The following ARHGAP15 variants were observed in gnomAD, a reference collection of about 807,000 sequenced individuals.
The protein encoded by ARHGAP15 is Rho GTPase activating protein 15, also known as rho GTPase-activating protein 15.
ARHGAP15 carries 51 observed loss-of-function variants against 63.7 expected under a neutral mutation model. The observed-to-expected ratio is 0.80, with a 90% CI of 0.64 to 1.01. The LOEUF is 1.01. Among genes scored for constraint, ARHGAP15 ranks in the 50% least tolerant of loss-of-function variants. The probability of loss-of-function intolerance (pLI) is 0.00; values close to 1 mark genes in which losing one functional copy is unlikely to be tolerated. For synonymous variants in ARHGAP15, 191 were observed against 193.8 expected (o/e 0.99, Z 0.12); for missense variants, 560 against 564.6 (o/e 0.99, Z 0.08).
chr2:143,296,144 G>A (rs77587649), intron 6 of ARHGAP15, among the ~76,000 whole-genome samples: 1 of 152,066 alleles, frequency 6.6e-6, no homozygotes, highest in East Asian at 1.9e-4. Flanking sequence ...CTCAAATCAA[G>A]GGATGAGCCC....
chr2:143,596,173 A>T (rs1284374679), intron 11 of ARHGAP15, among the ~76,000 whole-genome samples: 2 of 152,146 alleles, frequency 1.3e-5, no homozygotes, highest in African/African-American at 4.8e-5. Flanking sequence ...GCTAAGGAAG[A>T]ATACTATGAT....
chr2:143,673,758 G>GTGTGTGTGTGTGTGTATATATATATATA (rs1553520615), intron 12 of ARHGAP15, among the ~76,000 whole-genome samples: 2 of 22,128 alleles, frequency 9.0e-5, no homozygotes, highest in East Asian at 6.6e-3. Context: ...GTGTGTGTGT[G>GTGTGTGTGTGTGTGTATATATATATATA]TATATATATA....
intron 6 of ARHGAP15, among the ~76,000 whole-genome samples, chr2:143,354,989 G>A (rs772165720): frequency 2.6e-5 from 4 of 152,164 alleles, no homozygotes; most frequent in Non-Finnish European, 4.4e-5. Flanking sequence ...CATTGTAAGC[G>A]TTTTTTAACA....
chr2:143,429,125 A>G (rs969254826), intron 6 of ARHGAP15, among the ~76,000 whole-genome samples: 1 of 152,074 alleles, frequency 6.6e-6, no homozygotes, highest in African/African-American at 2.4e-5. Flanking sequence ...TAAACTATCT[A>G]CTAATTACTT....
chr2:143,318,548 A>G (rs556221674), intron 6 of ARHGAP15, among the ~76,000 whole-genome samples: 133 of 135,166 alleles, frequency 9.8e-4, no homozygotes, highest in African/African-American at 3.5e-3. Flanking sequence ...AACAGTCAAT[A>G]CAAGAGACAA....
intron 6 of ARHGAP15, among the ~76,000 whole-genome samples, chr2:143,273,765 A>T: frequency 6.6e-6 from 1 of 152,146 alleles, no homozygotes; most frequent in East Asian, 1.9e-4. Context: ...AATGCTAGTC[A>T]TTTCCAAAAA....
intron 6 of ARHGAP15, among the ~76,000 whole-genome samples, chr2:143,352,619 C>T (rs1312391714): frequency 1.3e-5 from 2 of 152,104 alleles, no homozygotes; most frequent in African/African-American, 2.4e-5. Context: ...AACATCAAGG[C>T]TGTGAGAAGT....
At chr2:143,449,450 T>C (rs1348702768) in intron 8 of ARHGAP15, among the ~76,000 whole-genome samples, 2 of 152,092 alleles carry the variant, frequency 1.3e-5, no homozygotes, top group Non-Finnish European at 2.9e-5. Flanking sequence ...ATAATAGTAT[T>C]TGATTGCTTA....
chr2:143,318,509 CTTTTTTTTT>C (rs535910161), intron 6 of ARHGAP15, among the ~76,000 whole-genome samples: 3 of 55,634 alleles, frequency 5.4e-5, no homozygotes, highest in Admixed American at 2.7e-4. Context: ...GATTAAGGGC[CTTTTTTTTT>C]TTTTTTTTTT....
At chr2:143,717,397 T>G (rs1243896458) in intron 13 of ARHGAP15, among the ~76,000 whole-genome samples, 1 of 152,234 alleles carries the variant, frequency 6.6e-6, no homozygotes, top group African/African-American at 2.4e-5. Context: ...CATTTCTTAC[T>G]GGACTTATTT....
At chr2:143,725,246 C>A (rs907128538) in intron 13 of ARHGAP15, among the ~76,000 whole-genome samples, 1 of 152,164 alleles carries the variant, frequency 6.6e-6, no homozygotes, top group African/African-American at 2.4e-5. Context: ...CTTAAGGACA[C>A]AGCAGTCAAT....
intron 2 of ARHGAP15, among the ~76,000 whole-genome samples, chr2:143,172,616 T>C (rs376087734): frequency 3.3e-5 from 5 of 152,118 alleles, no homozygotes; most frequent in African/African-American, 9.6e-5. Flanking sequence ...GGGTTCGATG[T>C]AGGTAGAAAG....
chr2:143,768,214 TG>T lies in ARHGAP15; in HGVS notation c.*43del. On this transcript the variant is annotated 3_prime_UTR_variant, in exon 14 of 14. Coordinates refer to ENST00000295095, the MANE Select transcript of ARHGAP15 (RefSeq NM_018460.4). ...CTGAATACGTTCACATCTGTCTTGA[TG>T]CCTAATATTTTTACATTTCTGTAAA... 2 of 1,486,268 alleles carry T rather than the reference TG, an allele frequency of 1.3e-6. No individual in the cohort carries two copies. The highest frequency in any genetic ancestry group is 2.8e-5 in the South Asian group (2 of 71,966). 92.1% of individuals were successfully genotyped at this position (1,486,268 alleles called of 1,614,324 possible). A position where few individuals can be genotyped will look rare whatever the true frequency, so the allele number is the denominator to read the frequency against.
intron 2 of ARHGAP15, among the ~76,000 whole-genome samples, chr2:143,166,016 A>AGG (rs1483078810): frequency 2.7e-5 from 4 of 145,588 alleles, no homozygotes; most frequent in South Asian, 2.1e-4. Context: ...GAAGGAAGGA[A>AGG]AAAAAGAAAG....
intron 9 of ARHGAP15, among the ~76,000 whole-genome samples, chr2:143,510,853 C>T (rs779842383): frequency 6.6e-6 from 1 of 152,174 alleles, no homozygotes; most frequent in Non-Finnish European, 1.5e-5. Context: ...TTACTAGAAT[C>T]GCTGCAATGG....
chr2:143,748,705 CAAAAT>C (rs1187276279), intron 13 of ARHGAP15, among the ~76,000 whole-genome samples: 3 of 152,104 alleles, frequency 2.0e-5, no homozygotes, highest in African/African-American at 7.2e-5. Flanking sequence ...AACTTTCTCT[CAAAAT>C]AAAGATGAAA....
intron 11 of ARHGAP15, among the ~76,000 whole-genome samples, chr2:143,620,996 T>A (rs1698626429): frequency 6.6e-6 from 1 of 152,238 alleles, no homozygotes; most frequent in Non-Finnish European, 1.5e-5. Context: ...ATGGTAGACT[T>A]CGTAAATCTT....
At chr2:143,657,210 T>A (rs1486587068) in intron 12 of ARHGAP15, among the ~76,000 whole-genome samples, 1 of 152,006 alleles carries the variant, frequency 6.6e-6, no homozygotes, top group Non-Finnish European at 1.5e-5. Flanking sequence ...AGCCGGGCGT[T>A]GCGGCTGGCG....
chr2:143,299,053 C>A (rs575874618), intron 6 of ARHGAP15, among the ~76,000 whole-genome samples: 1 of 152,026 alleles, frequency 6.6e-6, no homozygotes, highest in African/African-American at 2.4e-5. Flanking sequence ...ATGTTTCCAG[C>A]ACTGGGTCCT....
Sources: gnomAD v4.1 joint callset for allele counts (sites outside exome capture counted in the v4.1 genomes callset) on GRCh38, gnomAD v4.1.1 for gene constraint, MANE v1.5 for transcripts, NCBI Gene and HGNC (gene_info 2026-07-23, HGNC 2026-07-21) for gene names.